The following ESAM variants were observed in gnomAD, a reference collection of about 807,000 sequenced individuals.
The protein encoded by ESAM is endothelial cell adhesion molecule.
Under a neutral mutation model 31.8 loss-of-function variants are expected in ESAM, and 23 were observed. That is an observed-to-expected ratio of 0.72 (90% confidence interval 0.52 to 1.03). The LOEUF (loss-of-function observed/expected upper bound fraction) is 1.03, where lower values mean the gene tolerates loss of function less well. ESAM is among the 50% of genes least tolerant of loss of function. The probability of loss-of-function intolerance (pLI) is 0.00; values close to 1 mark genes in which losing one functional copy is unlikely to be tolerated. For missense variants in ESAM, 478 were observed against 488.9 expected (o/e 0.98, Z 0.21); for synonymous variants, 216 against 207.2 (o/e 1.04, Z -0.37).
At chr11:124,760,975 G>A (rs1017632127) in intron 1 of ESAM, among the ~76,000 whole-genome samples, 3 of 152,188 alleles carry the variant, frequency 2.0e-5, no homozygotes, top group Admixed American at 6.5e-5. Flanking sequence ...GGCCTGGGGG[G>A]CTGTACTTGA....
chr11:124,758,284 A>T (rs1382759377), intron 2 of ESAM, 65 bp downstream of exon 2: 6 of 1,591,842 alleles, frequency 3.8e-6, no homozygotes, highest in Non-Finnish European at 4.3e-6. Flanking sequence ...CACCGCTACC[A>T]GCTCTTTGCT....
In ESAM at chr11:124,754,895, G is replaced by T. The variant is rs985814761; in HGVS notation, c.608-132C>A. ...CGGCTTGTCTATTCCCTGATGGGGG[G>T]AGAGGTGTGACAGCTGGGCTTGGCT... is the stretch of plus-strand genomic sequence containing the variant. On this transcript the variant is annotated intron_variant, in intron 4 of 6. Coordinates refer to ENST00000278927, the MANE Select transcript of ESAM (RefSeq NM_138961.3). The surrounding 1 kb of genome is among the most constrained non-coding windows in gnomAD (Gnocchi z 4.5). The T allele has an allele frequency of 3.3e-6, 4 of 1,227,254 alleles. No individual in the cohort carries two copies. The highest frequency in any genetic ancestry group is 4.4e-6 in the Non-Finnish European group (4 of 902,062). The allele number at this position is 1,227,254 out of a possible 1,614,324, so 76.0% of individuals were successfully genotyped here.
intron 2 of ESAM, chr11:124,757,123 A>G (rs1200849554): frequency 4.5e-6 from 1 of 223,764 alleles, no homozygotes; most frequent in African/African-American, 2.3e-5. Context: ...GGAAAAAAAT[A>G]TTAAAAATGT....
chr11:124,754,013 G>T lies in ESAM; in HGVS notation c.858-52C>A, dbSNP rs1256150596. 3.8e-6 allele frequency: 6 copies of T among 1,595,538 alleles called. No individual in the cohort carries two copies. Among genetic ancestry groups the T allele is most frequent in the Non-Finnish European group, 5.1e-6 (6 of 1,170,228 alleles). On this transcript the variant is annotated intron_variant, in intron 6 of 6. Transcript: ENST00000278927. The surrounding 1 kb of genome is among the most constrained non-coding windows in gnomAD (Gnocchi z 4.5). ...TCAGAAGTGGGTGGGGGAAGGAGGAGAGAGTTTCTACCTGCTTGGTCTTAT... is the reference window on the plus strand; with the variant it reads ...TCAGAAGTGGGTGGGGGAAGGAGGATAGAGTTTCTACCTGCTTGGTCTTAT...
At position 124,758,539 on chromosome 11, in the gene ESAM, AGCGAG is replaced by A. The variant is rs1327170378; in HGVS notation, c.71-17_71-13del. ...CCGCGAGGGGGGCGCTGGAGACAAG[AGCGAG>A]GCGTGAGTGCCCAGGACCGGCTCCC... is the stretch of plus-strand genomic sequence containing the variant. On this transcript the variant is annotated splice_polypyrimidine_tract_variant and intron_variant, in intron 1 of 6. Transcript: ENST00000278927. 1 of 1,524,522 alleles carries A rather than the reference AGCGAG, an allele frequency of 6.6e-7. No individual in the cohort carries two copies. Among genetic ancestry groups the A allele is most frequent in the Non-Finnish European group, 8.8e-7 (1 of 1,135,974 alleles). The allele number at this position is 1,524,522 out of a possible 1,614,324, so 94.4% of individuals were successfully genotyped here. A position where few individuals can be genotyped will look rare whatever the true frequency, so the allele number is the denominator to read the frequency against.
chr11:124,761,711 G>A (rs1392789119), intron 1 of ESAM, among the ~76,000 whole-genome samples: 3 of 150,072 alleles, frequency 2.0e-5, no homozygotes, highest in African/African-American at 4.9e-5. Context: ...GATGAGAGGG[G>A]GCTAGAGTTA....
chr11:124,756,566 G>C lies in ESAM; in HGVS notation c.426C>G (p.Ile142Met), dbSNP rs772783293. ...DKQGKSRGHS[I>M]KTLELNVLVP... is the part of the protein sequence containing the mutation. ...CCAGTACATTGAGTTCTAAGGTTTTGATGCTGTGGCCCCTAGATTTGCCTT... is the reference window on the plus strand; with the variant it reads ...CCAGTACATTGAGTTCTAAGGTTTTCATGCTGTGGCCCCTAGATTTGCCTT... The change falls in exon 3 of 7, where the codon ATC becomes ATG. Residue 142 changes from isoleucine to methionine, a missense_variant. Ile to Met is a conservative substitution (Grantham distance 10). Coordinates refer to ENST00000278927, the MANE Select transcript of ESAM (RefSeq NM_138961.3). The C allele has an allele frequency of 6.2e-7, 1 of 1,614,066 alleles. No homozygotes were observed. The highest frequency in any genetic ancestry group is 8.5e-7 in the Non-Finnish European group (1 of 1,180,042).
chr11:124,756,586 T>C lies in ESAM; in HGVS notation c.406A>G (p.Lys136Glu). The change falls in exon 3 of 7, where the codon AAA becomes GAA. Residue 136 changes from lysine (K) to glutamate (E), a missense_variant. Coordinates refer to ENST00000278927, the MANE Select transcript of ESAM (RefSeq NM_138961.3). ...GTTTTGATGCTGTGGCCCCTAGATT[T>C]GCCTTGTTTGTCTTGCACATTCACG... is the stretch of plus-strand genomic sequence containing the variant. ...CSVNVQDKQG[K>E]SRGHSIKTLE... is the part of the protein sequence containing the mutation. 6.2e-7 allele frequency: 1 copy of C among 1,614,120 alleles called. No individual in the cohort carries two copies. Among genetic ancestry groups the C allele is most frequent in the Non-Finnish European group, 8.5e-7 (1 of 1,180,018 alleles).
rs1396897795 is a variant in ESAM, at chr11:124,759,996, CGCCGGGAAACT to C, written c.71-1480_71-1470del. 2.0e-5 allele frequency among the ~76,000 whole-genome samples: 3 copies of C among 152,228 alleles called. No individual in the cohort carries two copies. Among genetic ancestry groups the C allele is most frequent in the Non-Finnish European group, 4.4e-5 (3 of 68,042 alleles). On this transcript the variant is annotated intron_variant, in intron 1 of 6. Coordinates refer to ENST00000278927, the MANE Select transcript of ESAM (RefSeq NM_138961.3). The surrounding 1 kb of genome is among the most constrained non-coding windows in gnomAD (Gnocchi z 6.8). The stretch of plus-strand genomic sequence containing the variant: ...ACACCCGGCGGCCAGAAAGGGTTTC[CGCCGGGAAACT>C]GCCTGGGGCCCAGAAGGGGCGCGCC...
intron 3 of ESAM, 84 bp from the exon 4 acceptor site, chr11:124,756,446 T>G: frequency 2.5e-6 from 4 of 1,582,494 alleles, no homozygotes; most frequent in Non-Finnish European, 3.4e-6. Flanking sequence ...TGTCGCTTCA[T>G]TTGTTCCTCC....
chr11:124,758,486 T>C lies in ESAM; in HGVS notation c.112A>G (p.Asn38Asp), dbSNP rs751179699. 9 of 1,607,716 alleles carry C rather than the reference T, an allele frequency of 5.6e-6. No homozygotes were observed. Among genetic ancestry groups the C allele is most frequent in the Admixed American group, 1.7e-5 (1 of 58,814 alleles). The change falls in exon 2 of 7, where the codon AAC (asparagine) becomes GAC (aspartate). Residue 38 changes from asparagine to aspartate, a missense_variant. Coordinates refer to ENST00000278927, the MANE Select transcript of ESAM (RefSeq NM_138961.3). ...CCTCCCTCCACCGCCTGCAACCGGT[T>C]GGCGGGCAAGTGCAGTTGCAGCTGG... ...RAQLQLHLPANRLQAVEGGEV... is the reference protein window; with the variant it reads ...RAQLQLHLPADRLQAVEGGEV...
In ESAM at chr11:124,758,541, C is replaced by T. The variant is rs1333745140; in HGVS notation, c.71-14G>A. ...GCGAGGGGGGCGCTGGAGACAAGAG[C>T]GAGGCGTGAGTGCCCAGGACCGGCT... On this transcript the variant is annotated splice_polypyrimidine_tract_variant and intron_variant, in intron 1 of 6. Coordinates refer to ENST00000278927, the MANE Select transcript of ESAM (RefSeq NM_138961.3). 1 of 1,521,182 alleles carries T rather than the reference C, an allele frequency of 6.6e-7. No homozygotes were observed. The allele number at this position is 1,521,182 out of a possible 1,614,324, so 94.2% of individuals were successfully genotyped here.
At chr11:124,756,058 C>A in intron 4 of ESAM, 149 bp downstream of exon 4, 1 of 1,097,706 alleles carries the variant, frequency 9.1e-7, no homozygotes, top group South Asian at 1.5e-5. Flanking sequence ...GGCAGGGCAT[C>A]TTTCTCTGCC....
rs893343173 is a variant in ESAM at position 124,754,438 on chromosome 11, C to G, written c.731-98G>C. 1.1e-5 allele frequency: 16 copies of G among 1,517,926 alleles called. No homozygotes were observed. The African/African-American group carries it at 1.8e-4, about 17-fold the overall frequency. 94.0% of individuals were successfully genotyped at this position (1,517,926 alleles called of 1,614,324 possible). A position where few individuals can be genotyped will look rare whatever the true frequency, so the allele number is the denominator to read the frequency against. ...CACCCCATCTGCCACCATACACATT[C>G]CCTCTTTTTCCCTGTCAAGAAGAGG... is the stretch of plus-strand genomic sequence containing the variant. On this transcript the variant is annotated intron_variant, in intron 5 of 6. Transcript: ENST00000278927. The surrounding 1 kb of genome is among the most constrained non-coding windows in gnomAD (Gnocchi z 4.5).
chr11:124,756,079 C>T (rs1944149474), intron 4 of ESAM, 128 bp downstream of exon 4: 3 of 1,319,734 alleles, frequency 2.3e-6, no homozygotes, highest in African/African-American at 1.4e-5. Context: ...CCACATCCTC[C>T]CCACATCCTC....
Position 124,762,110 on chromosome 11 carries a change from A to C in ESAM, c.45T>G (p.Phe15Leu). Residue 15 changes from phenylalanine to leucine, a missense_variant, in exon 1 of 7, where the codon TTT becomes TTG. Physicochemically the swap from Phe to Leu is conservative, Grantham distance 22. Coordinates refer to ENST00000278927, the MANE Select transcript of ESAM (RefSeq NM_138961.3). The surrounding 1 kb of genome is among the most constrained non-coding windows in gnomAD (Gnocchi z 6.4). ...CGAGGGCACTCAGCCCCAGGAACAA[A>C]AACCGCAGCAAGTTGGTCACCAGGG... is the stretch of plus-strand genomic sequence containing the variant. ...PGPLVTNLLR[F>L]LFLGLSALAP... 6.2e-7 allele frequency: 1 copy of C among 1,609,462 alleles called. No individual in the cohort carries two copies. Among genetic ancestry groups the C allele is most frequent in the Non-Finnish European group, 8.5e-7 (1 of 1,177,788 alleles).
Position 124,754,337 on chromosome 11 carries a change from G to A in ESAM, c.734C>T (p.Pro245Leu), listed in dbSNP as rs1209370083. 1 of 1,613,954 alleles carries A rather than the reference G, an allele frequency of 6.2e-7. No individual in the cohort carries two copies. Among genetic ancestry groups the A allele is most frequent in the South Asian group, 1.1e-5 (1 of 91,074 alleles). The change falls in exon 6 of 7, where the codon CCT (proline) becomes CTT (leucine). Residue 245 changes from proline to leucine, a missense_variant. Coordinates refer to ENST00000278927, the MANE Select transcript of ESAM (RefSeq NM_138961.3). The surrounding 1 kb of genome is among the most constrained non-coding windows in gnomAD (Gnocchi z 4.5). ...CNVTLEVSTG[P>L]GAAVVAGAVV... is the part of the protein sequence containing the mutation. ...AGCTCCAGCAACCACTGCAGCTCCAGGCCCTGGAAAAGGCGTCGTGTCAGA... is the reference window on the plus strand; with the variant it reads ...AGCTCCAGCAACCACTGCAGCTCCAAGCCCTGGAAAAGGCGTCGTGTCAGA...
chr11:124,759,933 C>G lies in ESAM; in HGVS notation c.71-1406G>C, dbSNP rs898038270. On this transcript the variant is annotated intron_variant, in intron 1 of 6. Coordinates refer to ENST00000278927, the MANE Select transcript of ESAM (RefSeq NM_138961.3). This position sits in a 1 kb window ranked among gnomAD's most constrained non-coding sequence, Gnocchi z 6.8. ...TGAGGCCGGGCACGCCTGGAGCCTG[C>G]AGGTGCTGCCGGCTCTCCCCCAGCC... Among the ~76,000 whole-genome samples the G allele has an allele frequency of 2.6e-5, 4 of 152,248 alleles. No individual in the cohort carries two copies. Among genetic ancestry groups the G allele is most frequent in the African/African-American group, 9.6e-5 (4 of 41,464 alleles).
Position 124,754,077 on chromosome 11 carries a change from T to C in ESAM, c.858-116A>G. ...CTGCACACTTCAGTACTCCTTTCCC[T>C]CTCCCTTAAAACCTGCCCATAGGAA... On this transcript the variant is annotated intron_variant, in intron 6 of 6. Transcript: ENST00000278927. This position sits in a 1 kb window ranked among gnomAD's most constrained non-coding sequence, Gnocchi z 4.5. 1 of 1,551,844 alleles carries C rather than the reference T, an allele frequency of 6.4e-7. No homozygotes were observed. Among genetic ancestry groups the C allele is most frequent in the South Asian group, 1.2e-5 (1 of 81,474 alleles).
Sources: allele counts gnomAD v4.1 joint callset (sites outside exome capture counted in the v4.1 genomes callset), GRCh38; gene constraint gnomAD v4.1.1; non-coding constraint Gnocchi (gnomAD v3.1); transcripts MANE v1.5; gene names NCBI Gene and HGNC (gene_info 2026-07-23, HGNC 2026-07-21).